TECPR1: variants seen among roughly 807,000 people sequenced by gnomAD.
The protein encoded by TECPR1 is tectonin beta-propeller repeat-containing protein 1.
TECPR1 carries 122 observed loss-of-function variants against 162.4 expected under a neutral mutation model. That is an observed-to-expected ratio of 0.75 (90% CI 0.65 to 0.87). The LOEUF (loss-of-function observed/expected upper bound fraction) is 0.87. Among genes scored for constraint, TECPR1 ranks in the 40% least tolerant of loss-of-function variants. The pLI, the probability that TECPR1 is intolerant of heterozygous loss-of-function variation, is 0.00. For missense variants in TECPR1, 1,432 were observed against 1,618.2 expected (o/e 0.88, Z 1.97); for synonymous variants, 642 against 670.6 (o/e 0.96, Z 0.66).
At position 98,217,381 on chromosome 7, in the gene TECPR1, G is replaced by C. The variant is rs562148558; in HGVS notation, c.*9C>G. On this transcript the variant is annotated 3_prime_UTR_variant, in exon 26 of 26. Transcript: ENST00000447648. ...GCACCGTCCCTGCATGTAGGTGTGT[G>C]GGGGGGCCTCAGCAGCAGACGGGGC... The C allele has an allele frequency of 9.2e-6, 14 of 1,517,078 alleles. No homozygotes were observed. In the African/African-American group the frequency reaches 1.1e-4, roughly 12 times the overall value. The allele number at this position is 1,517,078 out of a possible 1,614,324, so 94.0% of individuals were successfully genotyped here. A position where few individuals can be genotyped will look rare whatever the true frequency, so the allele number is the denominator to read the frequency against.
At position 98,241,003 on chromosome 7, in the gene TECPR1, G is replaced by A; in HGVS notation, c.833-52C>T. ...TGGCCCCCATCAGCCTGGACAGCTG[G>A]GGAGCGAGTGACCCTCACCCTTCTC... On this transcript the variant is annotated intron_variant, in intron 7 of 25. Transcript: ENST00000447648. This position sits in a 1 kb window ranked among gnomAD's most constrained non-coding sequence, Gnocchi z 5.0. The A allele has an allele frequency of 6.3e-7, 1 of 1,585,302 alleles. No individual in the cohort carries two copies. The highest frequency in any genetic ancestry group is 8.6e-7 in the Non-Finnish European group (1 of 1,166,758).
At chr7:98,224,408 C>T (rs1014155766) in intron 19 of TECPR1, among the ~76,000 whole-genome samples, 7 of 152,106 alleles carry the variant, frequency 4.6e-5, no homozygotes, top group African/African-American at 1.4e-4. Context: ...TGGCTCAAAG[C>T]CCCCCAGAGC....
rs1798825422 is a variant in TECPR1, at chr7:98,243,571, T to TG, written c.552dup (p.Lys185GlnfsTer106). The TG allele has an allele frequency of 1.2e-6, 2 of 1,612,306 alleles. No homozygotes were observed. Among genetic ancestry groups the TG allele is most frequent in the Non-Finnish European group, 1.7e-6 (2 of 1,179,690 alleles). ...TCGTTGAAGGGGTCGGGCAGCTCCT[T>TG]GGGGTCATCCTTCGAGGGGATCTGA... is the stretch of plus-strand genomic sequence containing the variant. On this transcript the variant is annotated frameshift_variant, in exon 6 of 26. Transcript: ENST00000447648. LOFTEE classifies it high-confidence loss of function.
chr7:98,224,449 C>T (rs1365444926), intron 19 of TECPR1, among the ~76,000 whole-genome samples: 1 of 152,224 alleles, frequency 6.6e-6, no homozygotes, highest in Non-Finnish European at 1.5e-5. Flanking sequence ...AGGCCACTCG[C>T]CCTCCTCAAG....
intron 17 of TECPR1, among the ~76,000 whole-genome samples, chr7:98,227,549 G>A (rs1798310001): frequency 6.6e-6 from 1 of 152,014 alleles, no homozygotes; most frequent in Admixed American, 6.6e-5. Flanking sequence ...GACCGGGCGT[G>A]GTGGCTCATG....
At position 98,226,450 on chromosome 7, in the gene TECPR1, C is replaced by T. The variant is rs1049368307; in HGVS notation, c.2514-1348G>A. 3.2e-5 allele frequency: 32 copies of T among 1,006,078 alleles called. No homozygotes were observed. The Admixed American group carries it at 3.5e-4, about 11-fold the overall frequency. The allele number at this position is 1,006,078 out of a possible 1,614,324, so 62.3% of individuals were successfully genotyped here. A position where few individuals can be genotyped will look rare whatever the true frequency, so the allele number is the denominator to read the frequency against. On this transcript the variant is annotated intron_variant, in intron 17 of 25. Coordinates refer to ENST00000447648, the MANE Select transcript of TECPR1 (RefSeq NM_015395.3). ...CACTGGGTCCACTCTGGGTACAGAACGGTGAGGTCATGGAGCCACCTCCCT... is the reference window on the plus strand; with the variant it reads ...CACTGGGTCCACTCTGGGTACAGAATGGTGAGGTCATGGAGCCACCTCCCT...
intron 2 of TECPR1, among the ~76,000 whole-genome samples, chr7:98,247,022 C>T (rs1798929056): frequency 6.6e-6 from 1 of 151,758 alleles, no homozygotes; most frequent in African/African-American, 2.4e-5. Flanking sequence ...CCTGTAGTCG[C>T]AGCTACTCAG....
rs2270602 is a variant in TECPR1 at position 98,230,852 on chromosome 7, C to T, written c.2282+109G>A. Reference sequence around the variant, plus strand: ...AGTGGCCGTGCCTCTGCCTGGTCAGCGAGAAGCTTGACCCTGCGTGGACTC... The same window carrying T: ...AGTGGCCGTGCCTCTGCCTGGTCAGTGAGAAGCTTGACCCTGCGTGGACTC... On this transcript the variant is annotated intron_variant, in intron 15 of 25. Transcript: ENST00000447648. 5.6e-3 allele frequency: 7,761 copies of T among 1,398,168 alleles called. 360 individuals are homozygous for T. The East Asian group carries it at 0.12, about 21-fold the overall frequency. The allele number at this position is 1,398,168 out of a possible 1,614,324, so 86.6% of individuals were successfully genotyped here.
In TECPR1 at chr7:98,245,233, AC is replaced by A. The variant is rs765323630; in HGVS notation, c.226-167del. 3.1e-5 allele frequency: 22 copies of A among 701,202 alleles called. No homozygotes were observed. In the East Asian group the frequency reaches 3.8e-4, roughly 12 times the overall value. 43.4% of individuals were successfully genotyped at this position (701,202 alleles called of 1,614,324 possible). ...CCTGTGTGGGACCCAGCAACTGGGG[AC>A]CCCCATGCCACTTCATCATGAGCCA... On this transcript the variant is annotated intron_variant, in intron 3 of 25. Transcript: ENST00000447648.
rs1335046129 is a variant in TECPR1 at position 98,240,839 on chromosome 7, TC to T, written c.933+11del. 3 of 1,589,086 alleles carry T rather than the reference TC, an allele frequency of 1.9e-6. No individual in the cohort carries two copies. The African/African-American group carries it at 4.0e-5, about 21-fold the overall frequency. On this transcript the variant is annotated intron_variant, in intron 8 of 25. Transcript: ENST00000447648. ...GGGCTCAAGTGATCCCCCAGCCTCATCCCCATCTTACCTTCCAGTCCTTGGT... is the reference window on the plus strand; with the variant it reads ...GGGCTCAAGTGATCCCCCAGCCTCATCCCATCTTACCTTCCAGTCCTTGGT...
chr7:98,233,147 G>A, intron 11 of TECPR1, 175 bp from the exon 12 acceptor site: 1 of 844,350 alleles, frequency 1.2e-6, no homozygotes, highest in Non-Finnish European at 1.7e-6. Flanking sequence ...CAGTAATTCA[G>A]CCTGGAAAGC....
intron 10 of TECPR1, among the ~76,000 whole-genome samples, chr7:98,235,849 A>AAAAAAAAAAAAAAACAAAAAACAAC: frequency 9.1e-6 from 1 of 110,258 alleles, no homozygotes; most frequent in Admixed American, 9.8e-5. Context: ...AAAAAAAAAA[A>AAAAAAAAAAAAAAACAAAAAACAAC]AACACCATCT....
At chr7:98,250,653 C>CA (rs1460270669) in intron 2 of TECPR1, among the ~76,000 whole-genome samples, 3 of 150,248 alleles carry the variant, frequency 2.0e-5, no homozygotes, top group Middle Eastern at 3.4e-3. Context: ...GGAAAACAAA[C>CA]AACAACAACA....
In TECPR1 at chr7:98,221,696, G is replaced by A. The variant is rs774839041; in HGVS notation, c.3122C>T (p.Ala1041Val). 146 of 1,613,374 alleles carry A rather than the reference G, an allele frequency of 9.0e-5. No homozygotes were observed. Among genetic ancestry groups the A allele is most frequent in the Non-Finnish European group, 1.2e-4 (140 of 1,179,844 alleles). The part of the protein sequence containing the change: ...PPRQRLKQVS[A>V]GQTSVYALDE... ...CAGGGCATACACCGACGTCTGCCCC[G>A]CGGACACCTGCTTCAGCCTCTGTCT... Residue 1041 changes from alanine to valine, a missense_variant, in exon 23 of 26, where the codon GCG (alanine) becomes GTG (valine). By Grantham distance (64) the Ala-to-Val change is moderately conservative (BLOSUM62 0). Coordinates refer to ENST00000447648, the MANE Select transcript of TECPR1 (RefSeq NM_015395.3).
intron 22 of TECPR1, 107 bp downstream of exon 22, chr7:98,222,279 G>A: frequency 6.9e-7 from 1 of 1,442,192 alleles, no homozygotes; most frequent in Non-Finnish European, 9.2e-7. Flanking sequence ...CCCACTTCTG[G>A]GGGAAGTCCC....
chr7:98,233,305 C>G (rs901060703), intron 11 of TECPR1, 116 bp downstream of exon 11: 1 of 1,273,942 alleles, frequency 7.8e-7, no homozygotes, highest in Non-Finnish European at 1.0e-6. Context: ...CACAGTGAGG[C>G]GTCCAGGGAG....
At chr7:98,243,636 G>T in intron 5 of TECPR1, 44 bp from the exon 6 acceptor site, 1 of 1,590,868 alleles carries the variant, frequency 6.3e-7, no homozygotes. Flanking sequence ...GCGCCCAGTG[G>T]GCACCTGGGC....
At position 98,233,462 on chromosome 7, in the gene TECPR1, A is replaced by G. The variant is rs1798502988; in HGVS notation, c.1631T>C (p.Val544Ala). The part of the protein sequence containing the change: ...WAWVSGGGCV[V>A]EACAMPRWFT... ...CCATCTGGGCATGGCACATGCCTCCACCACGCAGCCGCCTCCCGACACCCA... is the reference window on the plus strand; with the variant it reads ...CCATCTGGGCATGGCACATGCCTCCGCCACGCAGCCGCCTCCCGACACCCA... Residue 544 changes from valine (V) to alanine (A), a missense_variant, in exon 11 of 26, where the codon GTG becomes GCG. Val to Ala is a moderately conservative substitution (Grantham distance 64). Transcript: ENST00000447648. 4 of 1,475,600 alleles carry G rather than the reference A, an allele frequency of 2.7e-6. No individual in the cohort carries two copies. Among genetic ancestry groups the G allele is most frequent in the Non-Finnish European group, 3.6e-6 (4 of 1,114,874 alleles). 91.4% of individuals were successfully genotyped at this position (1,475,600 alleles called of 1,614,324 possible).
chr7:98,237,749 G>A (rs568600943), intron 9 of TECPR1, among the ~76,000 whole-genome samples: 41 of 151,046 alleles, frequency 2.7e-4, no homozygotes, highest in Middle Eastern at 3.5e-3. Flanking sequence ...GATTACAGGC[G>A]TGAGCCACTG....
Sources: gnomAD v4.1 joint callset for allele counts (sites outside exome capture counted in the v4.1 genomes callset) on GRCh38, gnomAD v4.1.1 for gene constraint, Gnocchi (gnomAD v3.1) non-coding constraint, MANE v1.5 for transcripts, NCBI Gene and HGNC (gene_info 2026-07-23, HGNC 2026-07-21) for gene names.